CCDC192: variants seen among roughly 807,000 people sequenced by gnomAD.
The protein encoded by CCDC192 is coiled-coil domain-containing protein 192.
chr5:127,770,527 A>G (rs894155329), intron 3 of CCDC192, among the ~76,000 whole-genome samples: 15 of 152,204 alleles, frequency 9.9e-5, no homozygotes, highest in Non-Finnish European at 2.2e-4. Flanking sequence ...AGAATGTGCA[A>G]ATAGAATTTG....
At chr5:127,723,722 C>T (rs1466125113) in intron 2 of CCDC192, among the ~76,000 whole-genome samples, 2 of 152,184 alleles carry the variant, frequency 1.3e-5, no homozygotes, top group Non-Finnish European at 2.9e-5. Flanking sequence ...CAGGTGGCAA[C>T]AGGGTAAATA....
intron 5 of CCDC192, among the ~76,000 whole-genome samples, chr5:127,807,628 T>G (rs1757862073): frequency 6.6e-6 from 1 of 152,150 alleles, no homozygotes; most frequent in African/African-American, 2.4e-5. Context: ...TGGGTAGTTC[T>G]TCAATTCAAG....
chr5:127,703,616 C>T (rs188001026), intron 1 of CCDC192, 109 bp downstream of exon 1: 119 of 390,302 alleles, frequency 3.0e-4, no homozygotes, highest in African/African-American at 9.5e-4. Flanking sequence ...TGGGGAATAA[C>T]AGCAGACAGA....
intron 6 of CCDC192, among the ~76,000 whole-genome samples, chr5:127,930,924 C>T (rs1754009746): frequency 2.0e-5 from 3 of 152,222 alleles, no homozygotes; most frequent in African/African-American, 7.2e-5. Flanking sequence ...ACTTGCTTTT[C>T]CGCACAAACG....
At chr5:127,719,371 T>C (rs2126793977) in intron 2 of CCDC192, among the ~76,000 whole-genome samples, 1 of 150,898 alleles carries the variant, frequency 6.6e-6, no homozygotes. Context: ...GGAGTGCATG[T>C]ATCTCTTCAA....
intron 5 of CCDC192, among the ~76,000 whole-genome samples, chr5:127,814,749 C>A (rs1328664996): frequency 6.6e-6 from 1 of 152,118 alleles, no homozygotes. Flanking sequence ...GCAAAGCAAT[C>A]CCTTGCTGGT....
intron 3 of CCDC192, chr5:127,784,796 A>G: frequency 2.1e-6 from 1 of 484,106 alleles, no homozygotes; most frequent in Non-Finnish European, 4.1e-6. Context: ...CATGATTCTC[A>G]TGATGGCCAT....
At chr5:127,851,111 C>G (rs924776714) in intron 5 of CCDC192, among the ~76,000 whole-genome samples, 3 of 152,204 alleles carry the variant, frequency 2.0e-5, no homozygotes, top group African/African-American at 7.2e-5. Flanking sequence ...GGGTGCTTGT[C>G]CTGGCTTCTG....
At chr5:127,827,821 A>G (rs1032774919) in intron 5 of CCDC192, among the ~76,000 whole-genome samples, 12 of 152,208 alleles carry the variant, frequency 7.9e-5, no homozygotes, top group Admixed American at 5.9e-4. Context: ...CAGTACCTAG[A>G]CAGAAAAATG....
At chr5:127,773,954 A>G (rs938987927) in intron 3 of CCDC192, among the ~76,000 whole-genome samples, 3 of 152,164 alleles carry the variant, frequency 2.0e-5, no homozygotes, top group African/African-American at 7.2e-5. Flanking sequence ...TTATAGTCAT[A>G]ATAGTAGGTA....
chr5:127,748,493 C>T (rs1753920380), intron 2 of CCDC192, among the ~76,000 whole-genome samples: 4 of 119,752 alleles, frequency 3.3e-5, no homozygotes, highest in Admixed American at 9.4e-5. Flanking sequence ...CAGTACCATG[C>T]TGTTTTGGTT....
chr5:127,754,015 A>C (rs901383333), intron 2 of CCDC192, among the ~76,000 whole-genome samples: 3 of 152,210 alleles, frequency 2.0e-5, no homozygotes, highest in African/African-American at 7.2e-5. Context: ...ACAGTTATTT[A>C]ATCTAACTTT....
chr5:127,812,590 T>TG (rs1379726670), intron 5 of CCDC192, among the ~76,000 whole-genome samples: 1 of 152,164 alleles, frequency 6.6e-6, no homozygotes, highest in Non-Finnish European at 1.5e-5. Flanking sequence ...TAACTCTTAA[T>TG]TATTTCACTG....
At chr5:127,821,498 C>T (rs528930965) in intron 5 of CCDC192, among the ~76,000 whole-genome samples, 3 of 152,268 alleles carry the variant, frequency 2.0e-5, no homozygotes, top group African/African-American at 7.2e-5. Flanking sequence ...CCATGAGTCC[C>T]TTTTAAATAC....
chr5:127,928,583 T>A (rs1753928920), intron 6 of CCDC192, among the ~76,000 whole-genome samples: 1 of 152,184 alleles, frequency 6.6e-6, no homozygotes, highest in Non-Finnish European at 1.5e-5. Context: ...TATTCAAAGG[T>A]TTCGGGGATA....
At chr5:127,753,036 C>T (rs891106746) in intron 2 of CCDC192, among the ~76,000 whole-genome samples, 4 of 152,160 alleles carry the variant, frequency 2.6e-5, no homozygotes, top group South Asian at 2.1e-4. Flanking sequence ...GAGATGAACC[C>T]GGTACCTCAG....
chr5:127,834,999 T>G (rs73347046), intron 5 of CCDC192, among the ~76,000 whole-genome samples: 146 of 152,344 alleles, frequency 9.6e-4, no homozygotes, highest in African/African-American at 3.2e-3. Flanking sequence ...AACATTTTCT[T>G]TCTCTTCAGC....
intron 6 of CCDC192, among the ~76,000 whole-genome samples, chr5:127,937,813 G>A (rs1404830584): frequency 6.6e-6 from 1 of 152,198 alleles, no homozygotes; most frequent in Non-Finnish European, 1.5e-5. Flanking sequence ...TACCTATACT[G>A]CATTGTCTAA....
rs1561444736 is a variant in CCDC192 at position 127,719,478 on chromosome 5, T to TATATATATATATACACACACACATAC, written c.114+11731_114+11732insCACACACACATACATATATATATATA. On this transcript the variant is annotated intron_variant, in intron 2 of 6. Transcript: ENST00000514853. ...ATACATATATATACAGACACATACA[T>TATATATATATATACACACACACATAC]ATATATATATATATATACACACACA... is the stretch of plus-strand genomic sequence containing the variant. Among the ~76,000 whole-genome samples the TATATATATATATACACACACACATAC allele has an allele frequency of 4.2e-3, 83 of 19,680 alleles. 3 individuals are homozygous for TATATATATATATACACACACACATAC. Among genetic ancestry groups the TATATATATATATACACACACACATAC allele is most frequent in the African/African-American group, 0.013 (81 of 6,198 alleles). The allele number at this position is 19,680 out of a possible 152,430, so 12.9% of individuals were successfully genotyped here.
Sources: allele counts gnomAD v4.1 joint callset (sites outside exome capture counted in the v4.1 genomes callset), GRCh38; gene constraint gnomAD v4.1.1; transcripts MANE v1.5; gene names NCBI Gene and HGNC (gene_info 2026-07-23, HGNC 2026-07-21).